The following SERINC5 variants were observed in gnomAD, a reference collection of about 807,000 sequenced individuals.
SERINC5 encodes the protein serine incorporator 5.
SERINC5 carries 41 observed loss-of-function variants against 63.1 expected under a neutral mutation model. The observed-to-expected ratio is 0.65, with a 90% CI of 0.51 to 0.84. SERINC5 has a LOEUF of 0.84. Among genes scored for constraint, SERINC5 ranks in the 40% least tolerant of loss-of-function variants. The probability of loss-of-function intolerance (pLI) is 0.00; values close to 1 mark genes in which losing one functional copy is unlikely to be tolerated. For synonymous variants in SERINC5, 222 were observed against 215.2 expected (o/e 1.03, Z -0.28); for missense variants, 523 against 573.0 (o/e 0.91, Z 0.89).
intron 11 of SERINC5, among the ~76,000 whole-genome samples, chr5:80,114,349 C>T (rs1198856021): frequency 6.6e-6 from 1 of 151,884 alleles, no homozygotes; most frequent in East Asian, 1.9e-4. Context: ...GAAGAAACTG[C>T]CACTCTTAAA....
intron 1 of SERINC5, among the ~76,000 whole-genome samples, chr5:80,213,621 G>A (rs1488703630): frequency 6.6e-6 from 1 of 152,120 alleles, no homozygotes. Flanking sequence ...GCCCCTGTGT[G>A]TACAGTAAGC....
chr5:80,123,387 G>A (rs545753110), intron 11 of SERINC5, among the ~76,000 whole-genome samples: 4 of 152,318 alleles, frequency 2.6e-5, no homozygotes, highest in South Asian at 2.1e-4. Flanking sequence ...ATCCCAAAGC[G>A]CTGGGATTAC....
chr5:80,191,663 T>TAA (rs72458092), intron 2 of SERINC5, among the ~76,000 whole-genome samples: 4 of 117,208 alleles, frequency 3.4e-5, no homozygotes, highest in Admixed American at 9.1e-5. Flanking sequence ...GCCCTGTCTC[T>TAA]AAAAAAAAAA....
At chr5:80,251,504 C>T (rs867810914) in intron 1 of SERINC5, among the ~76,000 whole-genome samples, 3 of 151,956 alleles carry the variant, frequency 2.0e-5, no homozygotes, top group Middle Eastern at 3.4e-3. Flanking sequence ...CAGAGGCGGG[C>T]GGGTCACCTG....
chr5:80,122,216 A>ATATATATATATATATATATATATATAATG (rs1561348089), intron 11 of SERINC5, among the ~76,000 whole-genome samples: 5 of 67,512 alleles, frequency 7.4e-5, no homozygotes, highest in Admixed American at 3.8e-4. Flanking sequence ...TATATATAAT[A>ATATATATATATATATATATATATATAATG]TGAGTTTATT....
intron 1 of SERINC5, among the ~76,000 whole-genome samples, chr5:80,215,077 G>C (rs1485026497): frequency 1.3e-5 from 2 of 152,186 alleles, no homozygotes; most frequent in Non-Finnish European, 2.9e-5. Flanking sequence ...GATATGGCTA[G>C]GATTTGTGTC....
chr5:80,188,558 A>C (rs1287179885), intron 2 of SERINC5, among the ~76,000 whole-genome samples: 1 of 151,956 alleles, frequency 6.6e-6, no homozygotes, highest in African/African-American at 2.4e-5. Flanking sequence ...TGTATGTTTA[A>C]CAGATAAATC....
intron 1 of SERINC5, among the ~76,000 whole-genome samples, chr5:80,217,916 T>C (rs1002958937): frequency 3.6e-4 from 55 of 152,106 alleles, no homozygotes; most frequent in African/African-American, 1.3e-3. Context: ...GTGACAACCA[T>C]CAGTGGAGCA....
chr5:80,232,128 G>GGT (rs1434611193), intron 1 of SERINC5, among the ~76,000 whole-genome samples: 20 of 149,504 alleles, frequency 1.3e-4, no homozygotes, highest in Non-Finnish European at 1.8e-4. Flanking sequence ...AAAAAGGCCG[G>GGT]GCAAGGTGGC....
At chr5:80,251,916 A>T (rs1323266504) in intron 1 of SERINC5, among the ~76,000 whole-genome samples, 3 of 44,566 alleles carry the variant, frequency 6.7e-5, no homozygotes, top group Non-Finnish European at 1.5e-4. Flanking sequence ...CAGCATTATT[A>T]TTGTCATAAA....
intron 1 of SERINC5, among the ~76,000 whole-genome samples, chr5:80,233,399 C>G (rs1717254142): frequency 6.6e-6 from 1 of 152,114 alleles, no homozygotes. Context: ...TGCACTCCAG[C>G]CTGGGCAACA....
chr5:80,189,101 A>G (rs1050751217), intron 2 of SERINC5, among the ~76,000 whole-genome samples: 16 of 152,306 alleles, frequency 1.1e-4, no homozygotes, highest in African/African-American at 3.8e-4. Context: ...AGTGTTGAGA[A>G]GGACAGAAGC....
rs146574001 is a variant in SERINC5 at position 80,159,275 on chromosome 5, C to G, written c.860-313G>C. 9.7e-3 allele frequency among the ~76,000 whole-genome samples: 1,469 copies of G among 152,226 alleles called. 25 individuals carry two copies. Among genetic ancestry groups the G allele is most frequent in the African/African-American group, 0.034 (1,405 of 41,524 alleles). The stretch of plus-strand genomic sequence containing the variant: ...GAAGTCAGGTGCATTTTTCAGTTGA[C>G]AAGGCAGCCTCTAAAGAGAGGTAGG... On this transcript the variant is annotated intron_variant, in intron 7 of 11. Transcript: ENST00000507668.
At chr5:80,237,831 C>T (rs201213034) in intron 1 of SERINC5, among the ~76,000 whole-genome samples, 6 of 151,902 alleles carry the variant, frequency 3.9e-5, no homozygotes, top group African/African-American at 7.2e-5. Flanking sequence ...CGGCCAGGCA[C>T]GGTGGCTCAC....
downstream of SERINC5, among the ~76,000 whole-genome samples, chr5:80,137,139 CAAAAAAAAAAAAAAAAAAAAAAAACA>C (rs1343877401): frequency 1.5e-5 from 1 of 67,742 alleles, no homozygotes; most frequent in East Asian, 1.0e-3. Flanking sequence ...GACCCTGTCT[CAAAAAAAAAAAAAAAAAAAAAAAACA>C]AAAAAAACAC....
In SERINC5 at chr5:80,171,521, A is replaced by T. The variant is rs567408285; in HGVS notation, c.552-1975T>A. Among the ~76,000 whole-genome samples, 717 of 152,282 alleles carry T rather than the reference A, an allele frequency of 4.7e-3. 5 individuals are homozygous for T. Among genetic ancestry groups the T allele is most frequent in the Non-Finnish European group, 7.8e-3 (530 of 68,034 alleles). On this transcript the variant is annotated intron_variant, in intron 5 of 11. Transcript: ENST00000507668. ...TAGTATCAGGGAATAGTAAAGGAAA[A>T]TTTGACATTAAAAAAAGTTAAATAG...
chr5:80,249,836 AATAT>A (rs1485072479), intron 1 of SERINC5, among the ~76,000 whole-genome samples: 6 of 152,078 alleles, frequency 3.9e-5, no homozygotes, highest in Admixed American at 1.3e-4. Flanking sequence ...ATAAATATTA[AATAT>A]AAGTAACTGA....
chr5:80,157,352 T>A (rs1417751046), intron 8 of SERINC5: 1 of 151,836 alleles, frequency 6.6e-6, no homozygotes, highest in East Asian at 1.9e-4. Flanking sequence ...GATTTTATTC[T>A]ATCAAATATC....
intron 8 of SERINC5, among the ~76,000 whole-genome samples, chr5:80,154,305 G>A (rs906322725): frequency 3.3e-5 from 5 of 151,880 alleles, no homozygotes; most frequent in African/African-American, 7.3e-5. Flanking sequence ...TCAGCCTCCC[G>A]AGTAGCTGGG....
Sources: allele counts gnomAD v4.1 joint callset (sites outside exome capture counted in the v4.1 genomes callset), GRCh38; gene constraint gnomAD v4.1.1; transcripts MANE v1.5; gene names NCBI Gene and HGNC (gene_info 2026-07-23, HGNC 2026-07-21).